TENM4: variants seen among roughly 807,000 people sequenced by gnomAD.
TENM4 encodes teneurin-4.
A neutral mutation model predicts 243.3 loss-of-function variants in TENM4; 82 were observed. That is an observed-to-expected ratio of 0.34 (90% confidence interval 0.28 to 0.40). The LOEUF is 0.40. TENM4 is among the 10% of genes least tolerant of loss of function. The probability of loss-of-function intolerance (pLI) is 1.00; values close to 1 mark genes in which losing one functional copy is unlikely to be tolerated. For missense variants in TENM4, 3,138 were observed against 3,673.3 expected (o/e 0.85, Z 3.77); for synonymous variants, 1,412 against 1,456.3 (o/e 0.97, Z 0.69).
At chr11:79,371,581 A>G (rs1483414313) in intron 1 of TENM4, among the ~76,000 whole-genome samples, 1 of 152,148 alleles carries the variant, frequency 6.6e-6, no homozygotes, top group Non-Finnish European at 1.5e-5. Context: ...AATCTGCCTG[A>G]AGAGTTTGCC....
intron 11 of TENM4, among the ~76,000 whole-genome samples, chr11:78,854,922 G>T (rs969228635): frequency 1.3e-5 from 2 of 152,198 alleles, no homozygotes; most frequent in African/African-American, 4.8e-5. Flanking sequence ...ATTACATGCT[G>T]TGTCAAATAC....
intron 1 of TENM4, among the ~76,000 whole-genome samples, chr11:79,387,844 A>C (rs1258833900): frequency 6.6e-6 from 1 of 152,170 alleles, no homozygotes; most frequent in Non-Finnish European, 1.5e-5. Context: ...ATCTCTAGAA[A>C]TAATACAAAA....
chr11:79,232,285 T>A (rs771770803), intron 2 of TENM4, among the ~76,000 whole-genome samples: 1 of 152,098 alleles, frequency 6.6e-6, no homozygotes. Flanking sequence ...CTGTTTCAGA[T>A]AGTACAGAGG....
chr11:79,004,399 A>G (rs1191249722), intron 6 of TENM4, among the ~76,000 whole-genome samples: 6 of 152,232 alleles, frequency 3.9e-5, no homozygotes. Flanking sequence ...CGGCAAATTA[A>G]GAGATACCAA....
chr11:79,381,284 G>T (rs543975063), intron 1 of TENM4, among the ~76,000 whole-genome samples: 436 of 151,352 alleles, frequency 2.9e-3, no homozygotes, highest in Non-Finnish European at 4.9e-3. Flanking sequence ...CAGGAAAGCA[G>T]TCTTTATAGC....
At chr11:79,394,817 C>T (rs951505373) in intron 1 of TENM4, among the ~76,000 whole-genome samples, 5 of 152,242 alleles carry the variant, frequency 3.3e-5, no homozygotes, top group Admixed American at 3.3e-4. Context: ...GGGGAAACCA[C>T]CCTGTGAAGA....
Position 79,137,664 on chromosome 11 carries a change from C to A in TENM4, c.-66+11046G>T, listed in dbSNP as rs185309357. Among the ~76,000 whole-genome samples, 3 of 152,110 alleles carry A rather than the reference C, an allele frequency of 2.0e-5. No individual in the cohort carries two copies. The East Asian group carries it at 5.8e-4, about 29-fold the overall frequency. ...TTAAAAACACGTCTGCGCATATATACGCTTGTACTAAGAAAATACTTTCAT... is the reference window on the plus strand; with the variant it reads ...TTAAAAACACGTCTGCGCATATATAAGCTTGTACTAAGAAAATACTTTCAT... On this transcript the variant is annotated intron_variant, in intron 4 of 33. Transcript: ENST00000278550.
intron 1 of TENM4, among the ~76,000 whole-genome samples, chr11:79,358,933 T>G (rs1349597046): frequency 2.7e-5 from 4 of 146,536 alleles, no homozygotes; most frequent in Non-Finnish European, 4.5e-5. Context: ...TGCAAACTTT[T>G]TTTTAAGTAA....
intron 19 of TENM4, among the ~76,000 whole-genome samples, chr11:78,752,061 T>C (rs1856202129): frequency 6.6e-6 from 1 of 152,212 alleles, no homozygotes; most frequent in Non-Finnish European, 1.5e-5. Context: ...CCCCTCCTAC[T>C]TTAGGTCATC....
chr11:79,043,499 C>T (rs1006859302), intron 6 of TENM4, among the ~76,000 whole-genome samples: 8 of 152,022 alleles, frequency 5.3e-5, no homozygotes, highest in South Asian at 2.1e-4. Flanking sequence ...AACAAAGTCT[C>T]CCCCCAGCCC....
intron 2 of TENM4, among the ~76,000 whole-genome samples, chr11:79,238,678 CTCT>C (rs1864527994): frequency 3.9e-5 from 6 of 152,126 alleles, no homozygotes; most frequent in African/African-American, 1.2e-4. Flanking sequence ...CTCTCTCTCT[CTCT>C]CTCCTGTTGG....
At chr11:79,138,396 T>C (rs1281342151) in intron 4 of TENM4, among the ~76,000 whole-genome samples, 2 of 118,188 alleles carry the variant, frequency 1.7e-5, no homozygotes, top group African/African-American at 6.8e-5. Flanking sequence ...TATAATATAG[T>C]TATATATAAA....
chr11:78,893,976 T>C (rs957266041), intron 7 of TENM4, among the ~76,000 whole-genome samples: 5 of 152,228 alleles, frequency 3.3e-5, no homozygotes, highest in African/African-American at 1.2e-4. Flanking sequence ...AAGTCTTATC[T>C]GTCTTGTTCA....
chr11:79,241,594 G>A (rs1030906198), intron 2 of TENM4, among the ~76,000 whole-genome samples: 21 of 152,170 alleles, frequency 1.4e-4, no homozygotes, highest in African/African-American at 4.6e-4. Flanking sequence ...GTCGTCATGG[G>A]AATTAAACAA....
intron 6 of TENM4, among the ~76,000 whole-genome samples, chr11:79,043,384 C>T (rs1203634314): frequency 1.3e-5 from 2 of 152,068 alleles, no homozygotes; most frequent in East Asian, 3.9e-4. Flanking sequence ...GTAATTCAGG[C>T]CTATGGGCTG....
At position 78,669,648 on chromosome 11, in the gene TENM4, G is replaced by A. The variant is rs950531192; in HGVS notation, c.6697C>T (p.Arg2233Trp). The change falls in exon 32 of 34, where the codon CGG (arginine) becomes TGG (tryptophan). Residue 2233 changes from arginine to tryptophan, a missense_variant. By Grantham distance (101) the Arg-to-Trp change is moderately radical. Coordinates refer to ENST00000278550, the MANE Select transcript of TENM4 (RefSeq NM_001098816.3). This position sits in a 1 kb window ranked among gnomAD's most constrained non-coding sequence, Gnocchi z 6.4. ...LHLLSPGNSA[R>W]LTPLRYDIRD... ...ATGTCATACCGTAGTGGTGTGAGCC[G>A]TGCACTGTTCCCAGGGCTCAGTAAG... The A allele has an allele frequency of 6.8e-6, 11 of 1,614,012 alleles. No homozygotes were observed. The highest frequency in any genetic ancestry group is 3.3e-5 in the Admixed American group (2 of 60,036).
intron 5 of TENM4, among the ~76,000 whole-genome samples, chr11:79,069,168 C>T (rs1591258662): frequency 6.6e-6 from 1 of 152,232 alleles, no homozygotes; most frequent in East Asian, 1.9e-4. Context: ...ACCAGAATAT[C>T]CTACAAATTA....
intron 19 of TENM4, among the ~76,000 whole-genome samples, chr11:78,755,833 G>A (rs541033498): frequency 1.1e-4 from 16 of 152,054 alleles, no homozygotes; most frequent in Non-Finnish European, 2.4e-4. Flanking sequence ...GTTCCCTCAG[G>A]ACAGGGACCC....
intron 4 of TENM4, among the ~76,000 whole-genome samples, chr11:79,147,597 C>A (rs1408362334): frequency 6.6e-6 from 1 of 152,070 alleles, no homozygotes; most frequent in Non-Finnish European, 1.5e-5. Flanking sequence ...GAGTCTCTAG[C>A]ACCTCCTATC....
Sources: gnomAD v4.1 joint callset for allele counts (sites outside exome capture counted in the v4.1 genomes callset) on GRCh38, gnomAD v4.1.1 for gene constraint, Gnocchi (gnomAD v3.1) non-coding constraint, MANE v1.5 for transcripts, NCBI Gene and HGNC (gene_info 2026-07-23, HGNC 2026-07-21) for gene names.